DEK: variants seen among roughly 807,000 people sequenced by gnomAD.
The protein encoded by DEK is DEK proto-oncogene, also known as protein DEK.
DEK carries 28 observed loss-of-function variants against 46.8 expected under a neutral mutation model. The ratio of observed to expected loss-of-function variants is 0.60; its 90% CI spans 0.44 to 0.82. The LOEUF (loss-of-function observed/expected upper bound fraction) is 0.82, where lower values mean the gene tolerates loss of function less well. DEK is among the 40% of genes least tolerant of loss of function. The probability of loss-of-function intolerance (pLI) is 0.00; values close to 1 mark genes in which losing one functional copy is unlikely to be tolerated. For synonymous variants in DEK, 160 were observed against 144.5 expected (o/e 1.11, Z -0.77); for missense variants, 416 against 430.6 (o/e 0.97, Z 0.30).
chr6:18,233,552 C>T (rs560369042), intron 9 of DEK, among the ~76,000 whole-genome samples: 363 of 152,280 alleles, frequency 2.4e-3, no homozygotes, highest in African/African-American at 8.4e-3. Flanking sequence ...TGAACAGACA[C>T]TTCTCAAAAG....
chr6:18,237,248 T>C (rs1790694283), intron 8 of DEK, 133 bp downstream of exon 8: 4 of 1,053,124 alleles, frequency 3.8e-6, no homozygotes, highest in Non-Finnish European at 2.6e-6. Context: ...TAAGGGATAT[T>C]CAACCTGTAT....
intron 2 of DEK, among the ~76,000 whole-genome samples, chr6:18,260,416 G>A (rs1791805093): frequency 6.6e-6 from 1 of 152,094 alleles, no homozygotes. Flanking sequence ...TACAATTCAT[G>A]TCCTACAGGC....
At chr6:18,244,838 TGA>T (rs1791040128) in intron 7 of DEK, among the ~76,000 whole-genome samples, 1 of 152,188 alleles carries the variant, frequency 6.6e-6, no homozygotes, top group African/African-American at 2.4e-5. Flanking sequence ...GATCAACGTG[TGA>T]GAGGAAGAGA....
chr6:18,256,597 A>G, intron 4 of DEK, 142 bp from the exon 5 acceptor site: 1 of 558,628 alleles, frequency 1.8e-6, no homozygotes, highest in South Asian at 3.2e-5. Flanking sequence ...AACCAATTCA[A>G]TATGGGTTCA....
chr6:18,231,899 G>A (rs1008885541), intron 9 of DEK, among the ~76,000 whole-genome samples: 4 of 152,184 alleles, frequency 2.6e-5, no homozygotes, highest in African/African-American at 9.7e-5. Flanking sequence ...AAGCCTGGCA[G>A]AGAGACAACA....
In DEK at chr6:18,263,909, C is replaced by G. The variant is rs374115043; in HGVS notation, c.79G>C (p.Gly27Arg). ...TCCTCCTCGCTCTCCTCTCTGGGAC[C>G]GGGCATTTCGGGTTCTTTCTCGGAC... ...PASEKEPEMP[G>R]PREESEEEED... The change falls in exon 2 of 11, where the codon GGT becomes CGT. Residue 27 changes from glycine to arginine, a missense_variant. Coordinates refer to ENST00000652689, the MANE Select transcript of DEK (RefSeq NM_003472.4). 8.1e-6 allele frequency: 13 copies of G among 1,612,048 alleles called. No homozygotes were observed. The highest frequency in any genetic ancestry group is 1.1e-5 in the Non-Finnish European group (13 of 1,179,050).
rs963711391 is a variant in DEK at position 18,225,981 on chromosome 6, T to C, written c.1116+193A>G. 1.0e-4 allele frequency: 72 copies of C among 720,788 alleles called. No individual in the cohort carries two copies. The Middle Eastern group carries it at 2.8e-3, about 28-fold the overall frequency. 44.6% of individuals were successfully genotyped at this position (720,788 alleles called of 1,614,324 possible). A position where few individuals can be genotyped will look rare whatever the true frequency, so the allele number is the denominator to read the frequency against. On this transcript the variant is annotated intron_variant, in intron 10 of 10. Transcript: ENST00000652689. ...CATCATAATCTGAGTTCAGGTCTTA[T>C]CACTAACTGTTCAAACTTTAATTTT...
chr6:18,263,903 T>G lies in DEK; in HGVS notation c.85A>C (p.Arg29=), dbSNP rs758466657. 1.2e-6 allele frequency: 2 copies of G among 1,612,404 alleles called. No homozygotes were observed. Among genetic ancestry groups the G allele is most frequent in the Admixed American group, 1.7e-5 (1 of 59,756 alleles). The change falls in exon 2 of 11, where the codon AGA becomes CGA. Residue 29 remains arginine (R), a synonymous_variant. Transcript: ENST00000652689. ...TCCTCTTCCTCCTCGCTCTCCTCTC[T>G]GGGACCGGGCATTTCGGGTTCTTTC... The part of the protein sequence containing the change: ...SEKEPEMPGP[R]EESEEEEDED...
chr6:18,254,260 G>A (rs1448875050), intron 6 of DEK, among the ~76,000 whole-genome samples: 1 of 152,130 alleles, frequency 6.6e-6, no homozygotes, highest in African/African-American at 2.4e-5. Flanking sequence ...GAACCTGGGA[G>A]ACAGTGGTTG....
At chr6:18,229,452 C>T (rs987051931) in intron 9 of DEK, among the ~76,000 whole-genome samples, 3 of 152,110 alleles carry the variant, frequency 2.0e-5, no homozygotes, top group South Asian at 2.1e-4. Context: ...GATGTTCGAA[C>T]CCATCACAAA....
intron 3 of DEK, 114 bp downstream of exon 3, chr6:18,258,185 TAAATA>T (rs1791684886): frequency 5.5e-6 from 6 of 1,089,484 alleles, no homozygotes; most frequent in African/African-American, 1.6e-5. Context: ...CAGAGCAAAT[TAAATA>T]AAATTATACC....
chr6:18,245,423 G>A (rs1791069839), intron 7 of DEK, among the ~76,000 whole-genome samples: 1 of 151,218 alleles, frequency 6.6e-6, no homozygotes, highest in African/African-American at 2.4e-5. Context: ...TAGTAAGGCT[G>A]ACAATTATTT....
At chr6:18,246,011 ACCATGATTGTG>A (rs1441271849) in intron 7 of DEK, among the ~76,000 whole-genome samples, 83 of 152,320 alleles carry the variant, frequency 5.4e-4, no homozygotes, top group African/African-American at 1.9e-3. Context: ...TTCGCCTTCC[ACCATGATTGTG>A]AGGCCACCCC....
Position 18,225,493 on chromosome 6 carries a change from A to G in DEK, c.*226T>C. ...ACAAAATACAACTATAAAAGCAAGG[A>G]ACAATTAATGCCATGCAAGATTTTA... is the stretch of plus-strand genomic sequence containing the variant. On this transcript the variant is annotated 3_prime_UTR_variant, in exon 11 of 11. Transcript: ENST00000652689. 2.2e-6 allele frequency: 1 copy of G among 461,714 alleles called. No homozygotes were observed. The highest frequency in any genetic ancestry group is 4.0e-5 in the Admixed American group (1 of 24,966). The allele number at this position is 461,714 out of a possible 1,614,324, so 28.6% of individuals were successfully genotyped here.
intron 9 of DEK, among the ~76,000 whole-genome samples, chr6:18,232,626 T>A (rs1790459728): frequency 6.6e-6 from 1 of 152,038 alleles, no homozygotes; most frequent in African/African-American, 2.4e-5. Context: ...TCAAAGAGAT[T>A]AAAATACCTA....
chr6:18,225,672 C>T lies in DEK; in HGVS notation c.*47G>A, dbSNP rs1397856114. 1 of 1,601,958 alleles carries T rather than the reference C, an allele frequency of 6.2e-7. No individual in the cohort carries two copies. ...TCTTTGCTGGTATAATGGTATAAATCAGATCTTCAAATCTATGGGAACGAG... is the reference window on the plus strand; with the variant it reads ...TCTTTGCTGGTATAATGGTATAAATTAGATCTTCAAATCTATGGGAACGAG... On this transcript the variant is annotated 3_prime_UTR_variant, in exon 11 of 11. Transcript: ENST00000652689.
Position 18,237,647 on chromosome 6 carries a change from TTC to T in DEK, c.763-133_763-132del. ...TATATTTGGTATCAGCAATTAAAAA[TTC>T]TTTTTGAGAGATGACTAATATACAA... On this transcript the variant is annotated intron_variant, in intron 7 of 10. Coordinates refer to ENST00000652689, the MANE Select transcript of DEK (RefSeq NM_003472.4). 2.4e-6 allele frequency: 3 copies of T among 1,275,722 alleles called. No individual in the cohort carries two copies. The South Asian group carries it at 4.9e-5, about 21-fold the overall frequency. 79.0% of individuals were successfully genotyped at this position (1,275,722 alleles called of 1,614,324 possible). A position where few individuals can be genotyped will look rare whatever the true frequency, so the allele number is the denominator to read the frequency against.
chr6:18,241,665 C>A (rs369990374), intron 7 of DEK, among the ~76,000 whole-genome samples: 107 of 152,292 alleles, frequency 7.0e-4, no homozygotes, highest in African/African-American at 2.5e-3. Flanking sequence ...CATTTATGGA[C>A]TAGATTTGTC....
chr6:18,264,141 T>C, intron 1 of DEK, 145 bp from the exon 2 acceptor site: 1 of 640,556 alleles, frequency 1.6e-6, no homozygotes, highest in Non-Finnish European at 2.4e-6. Flanking sequence ...CAGCGCTCAG[T>C]CCCCAGGGGC....
Sources: allele counts gnomAD v4.1 joint callset (sites outside exome capture counted in the v4.1 genomes callset), GRCh38; gene constraint gnomAD v4.1.1; transcripts MANE v1.5; gene names NCBI Gene and HGNC (gene_info 2026-07-23, HGNC 2026-07-21).